MCC: variants seen among roughly 807,000 people sequenced by gnomAD.
MCC encodes colorectal mutant cancer protein.
Under a neutral mutation model 116.2 loss-of-function variants are expected in MCC, and 90 were observed. The ratio of observed to expected loss-of-function variants is 0.77; its 90% CI spans 0.65 to 0.92. The LOEUF (loss-of-function observed/expected upper bound fraction) is 0.92. MCC is among the 40% of genes least tolerant of loss of function. The pLI is 0.00. For missense variants in MCC, 1,516 were observed against 1,312.2 expected (o/e 1.16, Z -2.40); for synonymous variants, 578 against 510.5 (o/e 1.13, Z -1.78).
intron 1 of MCC, among the ~76,000 whole-genome samples, chr5:113,473,528 C>T (rs1191591125): frequency 1.3e-5 from 2 of 151,800 alleles, no homozygotes; most frequent in Non-Finnish European, 2.9e-5. Context: ...TTTCTCAAAA[C>T]AAAAACAAAA....
intron 3 of MCC, among the ~76,000 whole-genome samples, chr5:113,214,665 C>A (rs1424716288): frequency 6.6e-6 from 1 of 152,160 alleles, no homozygotes; most frequent in African/African-American, 2.4e-5. Flanking sequence ...CAGTTCAAGT[C>A]ATCAGCATCC....
At chr5:113,261,742 T>C (rs1476343935) in intron 3 of MCC, among the ~76,000 whole-genome samples, 2 of 152,152 alleles carry the variant, frequency 1.3e-5, no homozygotes, top group Non-Finnish European at 2.9e-5. Flanking sequence ...AAACCCAGTC[T>C]TTTGGCAGAC....
intron 1 of MCC, among the ~76,000 whole-genome samples, chr5:113,387,074 C>T (rs957009063): frequency 6.6e-6 from 1 of 152,046 alleles, no homozygotes; most frequent in African/African-American, 2.4e-5. Flanking sequence ...TACTGTTGAG[C>T]TTGTCCCCTT....
At chr5:113,284,005 A>G (rs993431015) in intron 3 of MCC, among the ~76,000 whole-genome samples, 4 of 152,214 alleles carry the variant, frequency 2.6e-5, no homozygotes, top group African/African-American at 9.7e-5. Context: ...TTTCTTAATA[A>G]CATTTTCTTT....
chr5:113,472,039 C>T (rs1396564914), intron 1 of MCC, among the ~76,000 whole-genome samples: 4 of 152,036 alleles, frequency 2.6e-5, no homozygotes, highest in Non-Finnish European at 4.4e-5. Flanking sequence ...CGGAGTGACC[C>T]GATTTTCCAG....
intron 1 of MCC, among the ~76,000 whole-genome samples, chr5:113,419,548 A>G (rs1485311278): frequency 1.3e-5 from 2 of 152,030 alleles, no homozygotes; most frequent in Non-Finnish European, 2.9e-5. Flanking sequence ...ATAACACAGT[A>G]AATATATTAA....
At chr5:113,255,715 A>T (rs540443120) in intron 3 of MCC, among the ~76,000 whole-genome samples, 1 of 152,292 alleles carries the variant, frequency 6.6e-6, no homozygotes, top group African/African-American at 2.4e-5. Flanking sequence ...CTTTCACTTA[A>T]ATATTTACGT....
chr5:113,461,538 C>T (rs1771741915), intron 1 of MCC, among the ~76,000 whole-genome samples: 1 of 151,518 alleles, frequency 6.6e-6, no homozygotes, highest in South Asian at 2.1e-4. Context: ...GGTATGGTGG[C>T]TCATGCCTGT....
intron 8 of MCC, among the ~76,000 whole-genome samples, chr5:113,087,391 T>G (rs182862265): frequency 2.0e-5 from 3 of 152,072 alleles, no homozygotes; most frequent in Non-Finnish European, 4.4e-5. Context: ...AAACTCAAAA[T>G]AGCCTAAAGA....
At chr5:113,052,571 C>A (rs1752554259) in intron 15 of MCC, among the ~76,000 whole-genome samples, 1 of 152,194 alleles carries the variant, frequency 6.6e-6, no homozygotes, top group African/African-American at 2.4e-5. Context: ...CAGGGCTGTG[C>A]TGAGTGAGTC....
intron 3 of MCC, among the ~76,000 whole-genome samples, chr5:113,332,830 G>T (rs1767732667): frequency 6.6e-6 from 1 of 151,580 alleles, no homozygotes; most frequent in Non-Finnish European, 1.5e-5. Flanking sequence ...ATAGCAAATA[G>T]CCAAACAAAG....
chr5:113,466,063 G>T (rs1179747519), intron 1 of MCC, among the ~76,000 whole-genome samples: 1 of 151,946 alleles, frequency 6.6e-6, no homozygotes, highest in Non-Finnish European at 1.5e-5. Context: ...CAGCCTCCTG[G>T]GTAGATGGGA....
intron 8 of MCC, among the ~76,000 whole-genome samples, chr5:113,097,502 A>G (rs1756098608): frequency 6.6e-6 from 1 of 152,186 alleles, no homozygotes; most frequent in South Asian, 2.1e-4. Flanking sequence ...ACATATGAAT[A>G]TCTATGAAAT....
intron 6 of MCC, among the ~76,000 whole-genome samples, chr5:113,110,146 A>C (rs910427979): frequency 1.3e-5 from 2 of 152,186 alleles, no homozygotes; most frequent in African/African-American, 4.8e-5. Context: ...ACTGTTCTAC[A>C]TCCAGGAGAC....
Position 113,288,531 on chromosome 5 carries a change from C to CT in MCC, c.627+51987dup, listed in dbSNP as rs528997088. ...CTTTTAGGGCTCTGGAAAGTCAATG[C>CT]TTTGAATTCCTCCACCACTTGGAGG... On this transcript the variant is annotated intron_variant, in intron 3 of 18. Transcript: ENST00000408903. Among the ~76,000 whole-genome samples, 1,299 of 152,322 alleles carry CT rather than the reference C, an allele frequency of 8.5e-3. 8 individuals carry two copies. The highest frequency in any genetic ancestry group is 0.014 in the Non-Finnish European group (943 of 68,028).
intron 3 of MCC, among the ~76,000 whole-genome samples, chr5:113,321,938 TCTC>T (rs1253080624): frequency 6.6e-6 from 1 of 152,190 alleles, no homozygotes; most frequent in Non-Finnish European, 1.5e-5. Context: ...TTCAAGCAAT[TCTC>T]CTGCCTCAGC....
At position 113,084,200 on chromosome 5, in the gene MCC, G is replaced by T; in HGVS notation, c.1546-10C>A. The T allele has an allele frequency of 6.2e-7, 1 of 1,609,274 alleles. No individual in the cohort carries two copies. Among genetic ancestry groups the T allele is most frequent in the South Asian group, 1.1e-5 (1 of 90,970 alleles). On this transcript the variant is annotated splice_polypyrimidine_tract_variant and intron_variant, in intron 9 of 18. Transcript: ENST00000408903. ...TCACCCTCTCAGCAATCTTAAAAAA[G>T]AAAACAAAACATTATAGAAAACTAC...
intron 3 of MCC, among the ~76,000 whole-genome samples, chr5:113,204,353 G>T (rs928629027): frequency 2.6e-5 from 4 of 152,116 alleles, no homozygotes; most frequent in Non-Finnish European, 5.9e-5. Flanking sequence ...TTGAAATACA[G>T]ATTTTTAGTT....
intron 3 of MCC, among the ~76,000 whole-genome samples, chr5:113,338,136 C>G (rs956818493): frequency 1.3e-5 from 2 of 152,188 alleles, no homozygotes; most frequent in African/African-American, 4.8e-5. Context: ...TAAAGTTTTA[C>G]TTTTCCATTT....
Sources: allele counts gnomAD v4.1 joint callset (sites outside exome capture counted in the v4.1 genomes callset), GRCh38; gene constraint gnomAD v4.1.1; transcripts MANE v1.5; gene names NCBI Gene and HGNC (gene_info 2026-07-23, HGNC 2026-07-21).